The following NUF2 variants were observed in gnomAD, a reference collection of about 807,000 sequenced individuals.
NUF2 encodes NUF2 component of NDC80 kinetochore complex.
A neutral mutation model predicts 61.8 loss-of-function variants in NUF2; 34 were observed. That is an observed-to-expected ratio of 0.55 (90% CI 0.42 to 0.73). The LOEUF is 0.73. Ranked by LOEUF, NUF2 falls within the 30% of genes least tolerant of loss-of-function variation. The probability of loss-of-function intolerance (pLI) is 0.00; values close to 1 mark genes in which losing one functional copy is unlikely to be tolerated. For missense variants in NUF2, 445 were observed against 539.1 expected (o/e 0.83, Z 1.73); for synonymous variants, 172 against 181.6 (o/e 0.95, Z 0.42).
intron 13 of NUF2, 94 bp from the exon 14 acceptor site, chr1:163,355,237 ATATT>A: frequency 1.1e-6 from 1 of 917,140 alleles, no homozygotes; most frequent in East Asian, 2.7e-5. Flanking sequence ...AGGCTTTAAA[ATATT>A]AATAAATATG....
At chr1:163,325,214 A>C (rs995663846) in intron 1 of NUF2, among the ~76,000 whole-genome samples, 3 of 152,058 alleles carry the variant, frequency 2.0e-5, no homozygotes, top group Admixed American at 6.5e-5. Flanking sequence ...TGACCTTTTG[A>C]ACTGGATAAT....
At position 163,326,031 on chromosome 1, in the gene NUF2, G is replaced by T. The variant is rs757569707; in HGVS notation, c.-20-1G>T. 1 of 1,607,290 alleles carries T rather than the reference G, an allele frequency of 6.2e-7. No individual in the cohort carries two copies. The highest frequency in any genetic ancestry group is 8.5e-7 in the Non-Finnish European group (1 of 1,175,760). ...TTTCTCATTGTTTTTTCTTCCTTCA[G>T]ATTAACAGGAAACTTCCAAGATGGA... On this transcript the variant is annotated splice_acceptor_variant, in intron 1 of 13. Transcript: ENST00000271452. LOFTEE classifies it low-confidence loss of function (5UTR_SPLICE).
At chr1:163,330,928 A>AT (rs34342302) in intron 5 of NUF2, among the ~76,000 whole-genome samples, 38,652 of 146,712 alleles carry the variant, frequency 0.26, 5,196 homozygotes, top group South Asian at 0.46. Context: ...ATTTGAGTAG[A>AT]TTTTTTTTTT....
At chr1:163,328,136 T>G in intron 3 of NUF2, 92 bp from the exon 4 acceptor site, 2 of 739,392 alleles carry the variant, frequency 2.7e-6, no homozygotes, top group Non-Finnish European at 2.3e-6. Context: ...AATTTAATGA[T>G]AGTGAGTTAA....
At chr1:163,322,279 C>G (rs1650252265) in intron 1 of NUF2, 67 bp downstream of exon 1, 3 of 152,232 alleles carry the variant, frequency 2.0e-5, no homozygotes, top group Admixed American at 6.5e-5. Flanking sequence ...AGCTCAGTTC[C>G]TACTAAACTA....
intron 13 of NUF2, among the ~76,000 whole-genome samples, chr1:163,352,786 A>G (rs1226816521): frequency 6.6e-6 from 1 of 152,172 alleles, no homozygotes; most frequent in Non-Finnish European, 1.5e-5. Flanking sequence ...GAATGTCGTG[A>G]ACCCGGGAGG....
At chr1:163,333,205 C>T (rs1442110803) in intron 5 of NUF2, among the ~76,000 whole-genome samples, 1 of 152,092 alleles carries the variant, frequency 6.6e-6, no homozygotes, top group African/African-American at 2.4e-5. Context: ...AGTCTTTGTT[C>T]TGAAATATAC....
rs973894404 is a variant in NUF2, at chr1:163,349,726, C to T, written c.1260+646C>T. On this transcript the variant is annotated intron_variant, in intron 13 of 13. Coordinates refer to ENST00000271452, the MANE Select transcript of NUF2 (RefSeq NM_145697.3). ...TATCTGTTCTCAGTACCTTATCCCCCAGAAAGATTATGTTGTTAGCACTTG... is the reference window on the plus strand; with the variant it reads ...TATCTGTTCTCAGTACCTTATCCCCTAGAAAGATTATGTTGTTAGCACTTG... Among the ~76,000 whole-genome samples, 8 of 152,218 alleles carry T rather than the reference C, an allele frequency of 5.3e-5. No individual in the cohort carries two copies. The East Asian group carries it at 7.7e-4, about 15-fold the overall frequency.
intron 6 of NUF2, among the ~76,000 whole-genome samples, chr1:163,337,400 G>A (rs1557950632): frequency 6.6e-6 from 1 of 151,888 alleles, no homozygotes; most frequent in Non-Finnish European, 1.5e-5. Context: ...TTCAATAATG[G>A]GGTACCATAC....
chr1:163,336,956 CT>C, intron 6 of NUF2, 108 bp downstream of exon 6: 2 of 680,936 alleles, frequency 2.9e-6, no homozygotes, highest in South Asian at 1.8e-5. Context: ...GCTGTATTGC[CT>C]TTAGAATTGA....
At chr1:163,338,742 G>A (rs1650843590) in intron 7 of NUF2, among the ~76,000 whole-genome samples, 1 of 152,038 alleles carries the variant, frequency 6.6e-6, no homozygotes, top group East Asian at 1.9e-4. Context: ...TGACAAAGTG[G>A]AGAGAATATT....
At position 163,338,061 on chromosome 1, in the gene NUF2, C is replaced by G; in HGVS notation, c.477C>G (p.His159Gln). The change falls in exon 7 of 14, where the codon CAC (histidine) becomes CAG (glutamine). Residue 159 changes from histidine to glutamine, a missense_variant. Physicochemically the swap from His to Gln is conservative, Grantham distance 24 (BLOSUM62 0). Coordinates refer to ENST00000271452, the MANE Select transcript of NUF2 (RefSeq NM_145697.3). The stretch of plus-strand genomic sequence containing the variant: ...AAATGCAACAGTTAAACGCCGCACA[C>G]CAGGAGGCATTAATGAAACTGGAGA... Reference protein sequence around the residue: ...ADKMQQLNAAHQEALMKLERL... With the variant: ...ADKMQQLNAAQQEALMKLERL... 6.2e-7 allele frequency: 1 copy of G among 1,612,924 alleles called. No individual in the cohort carries two copies. Among genetic ancestry groups the G allele is most frequent in the East Asian group, 2.2e-5 (1 of 44,840 alleles).
rs576188709 is a variant in NUF2 at position 163,329,554 on chromosome 1, G to A, written c.337+647G>A. 5.3e-5 allele frequency among the ~76,000 whole-genome samples: 8 copies of A among 152,254 alleles called. No individual in the cohort carries two copies. The South Asian group carries it at 1.7e-3, about 32-fold the overall frequency. On this transcript the variant is annotated intron_variant, in intron 5 of 13. Coordinates refer to ENST00000271452, the MANE Select transcript of NUF2 (RefSeq NM_145697.3). ...TCTGGAAGCTTAGTCATGACAGAAG[G>A]CAAATGGGGAGCAGACATGTCACAT...
In NUF2 at chr1:163,347,819, G is replaced by T; in HGVS notation, c.1005G>T (p.Lys335Asn). The T allele has an allele frequency of 6.2e-7, 1 of 1,611,954 alleles. No homozygotes were observed. Among genetic ancestry groups the T allele is most frequent in the South Asian group, 1.1e-5 (1 of 90,486 alleles). ...ATGAGTCAGAACTGAAGAAATTGAA[G>T]ACTGAAGAAAATTCGTTCAAAAGAC... ...ESDESELKKL[K>N]TEENSFKRLM... The change falls in exon 12 of 14, where the codon AAG becomes AAT. Residue 335 changes from lysine to asparagine, a missense_variant. Lys to Asn is a moderately conservative substitution (Grantham distance 94). Transcript: ENST00000271452.
intron 7 of NUF2, among the ~76,000 whole-genome samples, chr1:163,338,606 A>T (rs1650839981): frequency 6.6e-6 from 1 of 152,076 alleles, no homozygotes. Context: ...TAATTTATAG[A>T]TGTCTTTGAG....
chr1:163,328,389 T>C, intron 4 of NUF2, 85 bp downstream of exon 4: 1 of 816,296 alleles, frequency 1.2e-6, no homozygotes, highest in Non-Finnish European at 2.0e-6. Flanking sequence ...TTTTCTTTGG[T>C]AAGGAATACC....
intron 9 of NUF2, among the ~76,000 whole-genome samples, chr1:163,341,416 T>C (rs1040384526): frequency 7.2e-5 from 11 of 151,994 alleles, no homozygotes; most frequent in African/African-American, 2.7e-4. Context: ...TACCATATTA[T>C]GCAAGCTGGT....
intron 13 of NUF2, 78 bp downstream of exon 13, chr1:163,349,158 A>G (rs1651230198): frequency 2.4e-6 from 3 of 1,257,670 alleles, no homozygotes; most frequent in Non-Finnish European, 3.3e-6. Context: ...AAAACAGCTT[A>G]CTTGGTCTCT....
At chr1:163,352,129 A>G (rs769064837) in intron 13 of NUF2, among the ~76,000 whole-genome samples, 6 of 152,182 alleles carry the variant, frequency 3.9e-5, no homozygotes, top group Admixed American at 6.5e-5. Context: ...ATCACAAAGC[A>G]TTGAAATTTT....
Sources: gnomAD v4.1 joint callset for allele counts (sites outside exome capture counted in the v4.1 genomes callset) on GRCh38, gnomAD v4.1.1 for gene constraint, MANE v1.5 for transcripts, NCBI Gene and HGNC (gene_info 2026-07-23, HGNC 2026-07-21) for gene names.